TCF12: variants seen among roughly 807,000 people sequenced by gnomAD.
TCF12 encodes the protein DNA-binding protein HTF4.
A neutral mutation model predicts 86.0 loss-of-function variants in TCF12; 45 were observed. That is an observed-to-expected ratio of 0.52 (90% CI 0.41 to 0.67). TCF12 has a LOEUF of 0.67. Among genes scored for constraint, TCF12 ranks in the 30% least tolerant of loss-of-function variants. The pLI is 0.00. For synonymous variants in TCF12, 330 were observed against 299.6 expected (o/e 1.10, Z -1.05); for missense variants, 881 against 859.9 (o/e 1.02, Z -0.31).
intron 7 of TCF12, among the ~76,000 whole-genome samples, chr15:57,192,844 G>A (rs1287577467): frequency 6.6e-6 from 1 of 152,128 alleles, no homozygotes; most frequent in African/African-American, 2.4e-5. Flanking sequence ...TTAATGAAAG[G>A]TTTGGCCATG....
intron 5 of TCF12, among the ~76,000 whole-genome samples, chr15:57,103,168 T>C (rs1222394984): frequency 6.6e-6 from 1 of 152,214 alleles, no homozygotes; most frequent in Non-Finnish European, 1.5e-5. Context: ...GCCCAACATA[T>C]GAGAATCTCC....
rs535087753 is a variant in TCF12 at position 57,127,167 on chromosome 15, G to T, written c.325+35276G>T. Reference sequence around the variant, plus strand: ...CTGGCTAATTTTTGTATGTTTAGTAGAGACAGGGTTTCACCACGTTGGCCA... The same window carrying T: ...CTGGCTAATTTTTGTATGTTTAGTATAGACAGGGTTTCACCACGTTGGCCA... On this transcript the variant is annotated intron_variant, in intron 5 of 20. Coordinates refer to ENST00000333725, the MANE Select transcript of TCF12 (RefSeq NM_207037.2). 4.6e-5 allele frequency among the ~76,000 whole-genome samples: 7 copies of T among 151,932 alleles called. No homozygotes were observed. The South Asian group carries it at 1.5e-3, about 32-fold the overall frequency.
chr15:57,042,903 A>G (rs1328755594), intron 3 of TCF12, among the ~76,000 whole-genome samples: 3 of 152,106 alleles, frequency 2.0e-5, no homozygotes. Context: ...CTCTGTCCCT[A>G]TTGAATAACA....
chr15:56,919,678 G>A (rs1453438366), intron 1 of TCF12: 4 of 388,360 alleles, frequency 1.0e-5, no homozygotes, highest in African/African-American at 8.5e-5. Context: ...CGTCGATCTC[G>A]GGCCGCGGCG....
chr15:57,213,903 C>CT (rs1159203290), intron 8 of TCF12, among the ~76,000 whole-genome samples: 2 of 152,000 alleles, frequency 1.3e-5, no homozygotes, highest in Non-Finnish European at 2.9e-5. Flanking sequence ...TTCAGAAGTG[C>CT]TGGTTTCTTA....
intron 3 of TCF12, among the ~76,000 whole-genome samples, chr15:57,049,713 A>G (rs1442681528): frequency 6.6e-6 from 1 of 152,232 alleles, no homozygotes; most frequent in Non-Finnish European, 1.5e-5. Context: ...ATTTTCATTT[A>G]CCGTGAACTG....
intron 3 of TCF12, among the ~76,000 whole-genome samples, chr15:56,928,329 C>T (rs571429745): frequency 3.3e-5 from 5 of 151,838 alleles, no homozygotes; most frequent in South Asian, 2.1e-4. Context: ...CTAGCATTCT[C>T]GGTAATACTA....
chr15:57,096,707 A>T (rs1283515166), intron 5 of TCF12, among the ~76,000 whole-genome samples: 4 of 152,214 alleles, frequency 2.6e-5, no homozygotes, highest in African/African-American at 9.6e-5. Context: ...GCACAGATGC[A>T]ACCATCCATT....
intron 3 of TCF12, among the ~76,000 whole-genome samples, chr15:56,975,294 A>G (rs2062543160): frequency 6.6e-6 from 1 of 152,150 alleles, no homozygotes; most frequent in African/African-American, 2.4e-5. Context: ...TTTTATCTGT[A>G]GCTGACAAAA....
At chr15:57,232,976 T>A in intron 11 of TCF12, 120 bp downstream of exon 11, 1 of 565,574 alleles carries the variant, frequency 1.8e-6, no homozygotes, top group Non-Finnish European at 2.4e-6. Flanking sequence ...GTATATATGT[T>A]ATATATGTAT....
intron 3 of TCF12, among the ~76,000 whole-genome samples, chr15:57,040,288 G>C (rs1384701798): frequency 6.6e-6 from 1 of 152,164 alleles, no homozygotes; most frequent in African/African-American, 2.4e-5. Flanking sequence ...AACGTGGGCT[G>C]TATATTTGTG....
chr15:57,259,714 G>GCA (rs1567003731), intron 16 of TCF12, among the ~76,000 whole-genome samples: 1 of 152,014 alleles, frequency 6.6e-6, no homozygotes, highest in Non-Finnish European at 1.5e-5. Flanking sequence ...CCCTAACAGC[G>GCA]GCAGCCTGTC....
intron 8 of TCF12, among the ~76,000 whole-genome samples, chr15:57,221,658 T>C (rs2058603623): frequency 6.6e-6 from 1 of 152,106 alleles, no homozygotes; most frequent in South Asian, 2.1e-4. Flanking sequence ...CAAAGGTGAC[T>C]TTTATGTTCT....
chr15:57,250,692 G>A (rs1249564476), intron 13 of TCF12, among the ~76,000 whole-genome samples: 1 of 151,536 alleles, frequency 6.6e-6, no homozygotes, highest in Non-Finnish European at 1.5e-5. Context: ...TTGTACCAGT[G>A]CACTCCAGCC....
At chr15:57,148,701 CAAAAAAA>C (rs61526953) in intron 5 of TCF12, among the ~76,000 whole-genome samples, 6 of 124,388 alleles carry the variant, frequency 4.8e-5, no homozygotes, top group Admixed American at 8.5e-5. Context: ...GGTGACGTGG[CAAAAAAA>C]AAAAAAAAAA....
chr15:57,236,530 C>G (rs2059387732), intron 12 of TCF12, among the ~76,000 whole-genome samples: 1 of 152,128 alleles, frequency 6.6e-6, no homozygotes, highest in South Asian at 2.1e-4. Flanking sequence ...TGGAGAAACA[C>G]TATGCTATTG....
intron 3 of TCF12, among the ~76,000 whole-genome samples, chr15:56,979,492 C>T (rs1595941740): frequency 2.0e-5 from 3 of 152,220 alleles, no homozygotes; most frequent in African/African-American, 7.2e-5. Flanking sequence ...TAGATCCTGA[C>T]TTATGATATG....
chr15:57,208,064 TGCTCAGTC>T (rs1448150193), intron 8 of TCF12, among the ~76,000 whole-genome samples: 1 of 151,314 alleles, frequency 6.6e-6, no homozygotes, highest in African/African-American at 2.4e-5. Context: ...GACAGAGTAT[TGCTCAGTC>T]GCTCAGGCTG....
At position 56,932,953 on chromosome 15, in the gene TCF12, A is replaced by G. The variant is rs140566277; in HGVS notation, c.148+11855A>G. 2.8e-3 allele frequency among the ~76,000 whole-genome samples: 425 copies of G among 152,362 alleles called. 12 individuals are homozygous for G. Among genetic ancestry groups the G allele is most frequent in the Admixed American group, 0.024 (373 of 15,310 alleles). ...TTCAAGACATTAAATATAAATAGCT[A>G]CAACCTCAGATAGCTTTATAAAAGT... On this transcript the variant is annotated intron_variant, in intron 3 of 20. Transcript: ENST00000333725.
Sources: allele counts gnomAD v4.1 joint callset (sites outside exome capture counted in the v4.1 genomes callset), GRCh38; gene constraint gnomAD v4.1.1; transcripts MANE v1.5; gene names NCBI Gene and HGNC (gene_info 2026-07-23, HGNC 2026-07-21).